The following FAM217B variants were observed in gnomAD, a reference collection of about 807,000 sequenced individuals.
FAM217B encodes the protein protein FAM217B.
For missense variants in FAM217B, 463 were observed against 456.9 expected (o/e 1.01, Z -0.12); for synonymous variants, 163 against 173.0 (o/e 0.94, Z 0.45).
At chr20:59,935,439 C>A (rs1336365124), upstream of FAM217B, among the ~76,000 whole-genome samples, 1 of 152,022 alleles carries the variant, frequency 6.6e-6, no homozygotes, top group African/African-American at 2.4e-5. Flanking sequence ...AGGTTTTAGA[C>A]CGTGGCATTT....
chr20:59,943,138 G>T (rs899881274), intron 3 of FAM217B, among the ~76,000 whole-genome samples: 2 of 152,100 alleles, frequency 1.3e-5, no homozygotes, highest in African/African-American at 4.8e-5. Flanking sequence ...TTGAAAAGAG[G>T]ATATTTTCAA....
upstream of FAM217B, chr20:59,939,297 C>T: frequency 1.9e-6 from 3 of 1,612,340 alleles, no homozygotes; most frequent in African/African-American, 1.3e-5. Flanking sequence ...ACTGCGCCAG[C>T]CCGAGAAAGT....
chr20:59,940,940 T>G (rs1307234409), intron 1 of FAM217B, among the ~76,000 whole-genome samples: 2 of 152,218 alleles, frequency 1.3e-5, no homozygotes, highest in Non-Finnish European at 2.9e-5. Flanking sequence ...CAAGAGTTAT[T>G]ACCCGCTGAT....
chr20:59,947,715 C>A lies in FAM217B; in HGVS notation c.*2620C>A, dbSNP rs1221892059. On this transcript the variant is annotated 3_prime_UTR_variant, in exon 4 of 4. Coordinates refer to ENST00000360816, the MANE Select transcript of FAM217B (RefSeq NM_022106.3). ...ATATTGTCACGACTAGATCATAGCT[C>A]CTAGTGAATAACATGAGGTGTTTTA... The A allele has an allele frequency of 1.8e-5, 3 of 166,940 alleles. No individual in the cohort carries two copies. The South Asian group carries it at 6.2e-4, about 35-fold the overall frequency. 10.3% of individuals were successfully genotyped at this position (166,940 alleles called of 1,614,324 possible).
upstream of FAM217B, chr20:59,939,961 G>C: frequency 7.9e-7 from 1 of 1,261,868 alleles, no homozygotes; most frequent in South Asian, 4.0e-5. Context: ...AGATGAGGCA[G>C]GGATGAGAGA....
chr20:59,935,850 A>G (rs969898814), upstream of FAM217B, among the ~76,000 whole-genome samples: 2 of 152,226 alleles, frequency 1.3e-5, no homozygotes, highest in African/African-American at 2.4e-5. Context: ...GCAATATTCT[A>G]TATGTCATAT....
upstream of FAM217B, among the ~76,000 whole-genome samples, chr20:59,936,211 A>G (rs1282128149): frequency 6.6e-6 from 1 of 152,228 alleles, no homozygotes; most frequent in Non-Finnish European, 1.5e-5. Context: ...AAAATCTGGT[A>G]TAATTCCATG....
chr20:59,938,732 C>T (rs985152312), upstream of FAM217B: 1 of 287,178 alleles, frequency 3.5e-6, no homozygotes, highest in African/African-American at 2.2e-5. Context: ...CTTTGCAAAA[C>T]AAGCTGCTTG....
rs755647867 is a variant in FAM217B, at chr20:59,944,409, C to G, written c.466C>G (p.Arg156Gly). 1 of 1,614,008 alleles carries G rather than the reference C, an allele frequency of 6.2e-7. No individual in the cohort carries two copies. The highest frequency in any genetic ancestry group is 2.2e-5 in the East Asian group (1 of 44,866). Residue 156 changes from arginine (R) to glycine (G), a missense_variant, in exon 4 of 4, where the codon CGA becomes GGA. Arg to Gly is a moderately radical substitution (Grantham distance 125, BLOSUM62 -2). Coordinates refer to ENST00000360816, the MANE Select transcript of FAM217B (RefSeq NM_022106.3). ...ATCCCCTTTCAGCTCCTGGGACCTA[C>G]GAGATATGGCCCTGCTTCTGAACGC... ...LPSPFSSWDL[R>G]DMALLLNAEN...
upstream of FAM217B, chr20:59,938,931 G>T: frequency 8.4e-7 from 1 of 1,187,114 alleles, no homozygotes; most frequent in Non-Finnish European, 1.1e-6. Flanking sequence ...AGGACTTGGA[G>T]GGTGGTGAAG....
At chr20:59,939,670 C>T (rs781129324), upstream of FAM217B, 11 of 1,462,690 alleles carry the variant, frequency 7.5e-6, no homozygotes, top group Non-Finnish European at 9.9e-6. Context: ...GCGCCCGGCG[C>T]GCCCGCGGCC....
Position 59,944,141 on chromosome 20 carries a change from G to GT in FAM217B, c.199dup (p.Cys67LeufsTer8). The GT allele has an allele frequency of 6.2e-7, 1 of 1,614,140 alleles. No individual in the cohort carries two copies. ...GCAAAAGGAATCCACTCGGTTCCAGGTGTCAGGGGGCCTCAGGGAATAAAC... is the reference window on the plus strand; with the variant it reads ...GCAAAAGGAATCCACTCGGTTCCAGGTTGTCAGGGGGCCTCAGGGAATAAAC... On this transcript the variant is annotated frameshift_variant, in exon 4 of 4. Transcript: ENST00000360816. LOFTEE classifies it low-confidence loss of function (END_TRUNC).
upstream of FAM217B, chr20:59,939,475 G>C: frequency 6.2e-7 from 1 of 1,612,180 alleles, no homozygotes; most frequent in Non-Finnish European, 8.5e-7. Context: ...ACCAGGCAAT[G>C]CAGGGTGAAC....
chr20:59,939,083 C>G (rs1402302860), upstream of FAM217B: 2 of 1,587,646 alleles, frequency 1.3e-6, no homozygotes, highest in African/African-American at 2.7e-5. Context: ...GCATGTGCAG[C>G]GCGTGGTTGC....
At chr20:59,939,558 G>C, upstream of FAM217B, 2 of 1,611,550 alleles carry the variant, frequency 1.2e-6, no homozygotes, top group Non-Finnish European at 1.7e-6. Context: ...CGGCACGGAC[G>C]GGTCGTCTCC....
rs1388846323 is a variant in FAM217B, at chr20:59,944,216, G to A, written c.273G>A (p.Glu91=). ...SMKIIKENAD[E]DSASDLSDSE... ...AAATTATTAAAGAGAATGCTGATGAGGACAGTGCAAGTGATCTCTCTGATT... is the reference window on the plus strand; with the variant it reads ...AAATTATTAAAGAGAATGCTGATGAAGACAGTGCAAGTGATCTCTCTGATT... Residue 91 remains glutamate, a synonymous_variant, in exon 4 of 4, where the codon GAG becomes GAA. Transcript: ENST00000360816. 1.9e-6 allele frequency: 3 copies of A among 1,614,134 alleles called. No individual in the cohort carries two copies. In the East Asian group the frequency reaches 6.7e-5, roughly 36 times the overall value.
upstream of FAM217B, among the ~76,000 whole-genome samples, chr20:59,935,756 A>C (rs2060858897): frequency 1.3e-5 from 2 of 152,354 alleles, no homozygotes; most frequent in South Asian, 4.1e-4. Flanking sequence ...GTTGGTGACA[A>C]GGCAAGACCT....
At chr20:59,939,078 T>C, upstream of FAM217B, 2 of 1,583,376 alleles carry the variant, frequency 1.3e-6, no homozygotes, top group Non-Finnish European at 1.7e-6. Flanking sequence ...GCGAGGCATG[T>C]GCAGCGCGTG....
upstream of FAM217B, chr20:59,940,183 C>T: frequency 2.7e-6 from 1 of 376,776 alleles, no homozygotes; most frequent in South Asian, 1.5e-4. Flanking sequence ...TTTCAGAGGC[C>T]TCCCGGGAGC....
Sources: gnomAD v4.1 joint callset for allele counts (sites outside exome capture counted in the v4.1 genomes callset) on GRCh38, gnomAD v4.1.1 for gene constraint, MANE v1.5 for transcripts, NCBI Gene and HGNC (gene_info 2026-07-23, HGNC 2026-07-21) for gene names.